Variants in DLG2 observed in about 807,000 individuals in gnomAD.
The protein encoded by DLG2 is discs large MAGUK scaffold protein 2.
In DLG2, 45 loss-of-function variants were observed where a neutral mutation model predicts 132.5. The ratio of observed to expected loss-of-function variants is 0.34; its 90% CI spans 0.27 to 0.44. DLG2 has a LOEUF of 0.44. Ranked by LOEUF, DLG2 falls within the 20% of genes least tolerant of loss-of-function variation. The pLI, the probability that DLG2 is intolerant of heterozygous loss-of-function variation, is 1.00. For missense variants in DLG2, 1,045 were observed against 1,196.9 expected (o/e 0.87, Z 1.87); for synonymous variants, 424 against 419.6 (o/e 1.01, Z -0.13).
At chr11:84,951,769 C>T (rs1439139908) in intron 6 of DLG2, among the ~76,000 whole-genome samples, 4 of 151,492 alleles carry the variant, frequency 2.6e-5, no homozygotes, top group Non-Finnish European at 5.9e-5. Flanking sequence ...TCCAGGGCCA[C>T]ATACAAGATA....
intron 6 of DLG2, among the ~76,000 whole-genome samples, chr11:84,861,944 C>G (rs917011032): frequency 6.7e-6 from 1 of 148,966 alleles, no homozygotes; most frequent in Non-Finnish European, 1.5e-5. Flanking sequence ...GAACAAAAAA[C>G]CAAACACCGC....
chr11:85,357,056 G>GA (rs11435771), intron 3 of DLG2, among the ~76,000 whole-genome samples: 132,874 of 152,026 alleles, frequency 0.87, 58,366 homozygotes, highest in Middle Eastern at 0.92. Context: ...GTCTCTTATA[G>GA]AAATGGCACC....
At chr11:84,905,368 TTC>T (rs2091384781) in intron 6 of DLG2, among the ~76,000 whole-genome samples, 1 of 152,206 alleles carries the variant, frequency 6.6e-6, no homozygotes, top group African/African-American at 2.4e-5. Flanking sequence ...ATCCAATGCT[TTC>T]TCTCTCTGCC....
intron 3 of DLG2, among the ~76,000 whole-genome samples, chr11:85,586,398 T>C (rs1472228847): frequency 6.6e-6 from 1 of 152,218 alleles, no homozygotes; most frequent in Non-Finnish European, 1.5e-5. Context: ...GTTATTGGTC[T>C]GTTCAGAGTT....
intron 6 of DLG2, among the ~76,000 whole-genome samples, chr11:84,672,402 C>T (rs7120512): frequency 2.0e-5 from 3 of 151,854 alleles, no homozygotes; most frequent in Admixed American, 6.6e-5. Context: ...ACAGAGAGAG[C>T]GATCTGGTAG....
intron 7 of DLG2, among the ~76,000 whole-genome samples, chr11:84,482,277 C>T (rs551828176): frequency 6.6e-6 from 1 of 152,094 alleles, no homozygotes; most frequent in Admixed American, 6.5e-5. Context: ...GCCAAGCAAA[C>T]ATTGGTTCTT....
intron 6 of DLG2, among the ~76,000 whole-genome samples, chr11:84,615,712 C>T (rs1252615795): frequency 2.0e-5 from 3 of 149,592 alleles, no homozygotes; most frequent in African/African-American, 7.4e-5. Flanking sequence ...AAAATAGAGG[C>T]TGGTGACCTG....
intron 6 of DLG2, among the ~76,000 whole-genome samples, chr11:84,806,589 T>C (rs897858297): frequency 6.6e-6 from 1 of 152,066 alleles, no homozygotes; most frequent in African/African-American, 2.4e-5. Context: ...TCAGTGAAAA[T>C]ATTCTTCAGG....
intron 18 of DLG2, among the ~76,000 whole-genome samples, chr11:83,743,055 T>A (rs2092648390): frequency 6.6e-6 from 1 of 152,188 alleles, no homozygotes; most frequent in Admixed American, 6.6e-5. Flanking sequence ...GCTGCATTAA[T>A]AATGACTAAA....
chr11:84,814,783 T>TTCATTAC (rs1471395093), intron 6 of DLG2, among the ~76,000 whole-genome samples: 1 of 152,168 alleles, frequency 6.6e-6, no homozygotes, highest in Non-Finnish European at 1.5e-5. Context: ...TGCTTTGCTA[T>TTCATTAC]ACTCTTACAT....
At chr11:85,006,398 T>G (rs192963488) in intron 6 of DLG2, among the ~76,000 whole-genome samples, 26 of 152,358 alleles carry the variant, frequency 1.7e-4, no homozygotes, top group African/African-American at 5.5e-4. Flanking sequence ...ACTGCCTGAA[T>G]TTCAGAACTT....
intron 4 of DLG2, among the ~76,000 whole-genome samples, chr11:85,194,289 A>T (rs956937464): frequency 2.6e-5 from 4 of 152,010 alleles, no homozygotes; most frequent in African/African-American, 7.3e-5. Flanking sequence ...GTCCTTTCCA[A>T]CTCCAAGCCA....
chr11:84,777,260 T>C lies in DLG2; in HGVS notation c.358-242529A>G, dbSNP rs1416854928. Among the ~76,000 whole-genome samples, 10 of 142,798 alleles carry C rather than the reference T, an allele frequency of 7.0e-5. No homozygotes were observed. The East Asian group carries it at 2.1e-3, about 30-fold the overall frequency. The allele number at this position is 142,798 out of a possible 152,430, so 93.7% of individuals were successfully genotyped here. Reference sequence around the variant, plus strand: ...TGCTGTCTAAATAGTATCCATTGTGTGTGTATGTATATGTGTGTGTGTATA... The same window carrying C: ...TGCTGTCTAAATAGTATCCATTGTGCGTGTATGTATATGTGTGTGTGTATA... On this transcript the variant is annotated intron_variant, in intron 6 of 27. Coordinates refer to ENST00000376104, the MANE Select transcript of DLG2 (RefSeq NM_001142699.3).
intron 7 of DLG2, among the ~76,000 whole-genome samples, chr11:84,443,391 C>G (rs2099023421): frequency 6.6e-6 from 1 of 152,172 alleles, no homozygotes; most frequent in South Asian, 2.1e-4. Flanking sequence ...GTAGCTCTCT[C>G]TTTAAGTACA....
Position 85,063,500 on chromosome 11 carries a change from T to C in DLG2, c.357+48161A>G, listed in dbSNP as rs145103754. 6.6e-3 allele frequency among the ~76,000 whole-genome samples: 1,007 copies of C among 151,942 alleles called. 8 individuals are homozygous for C. The highest frequency in any genetic ancestry group is 0.023 in the African/African-American group (949 of 41,502). On this transcript the variant is annotated intron_variant, in intron 6 of 27. Coordinates refer to ENST00000376104, the MANE Select transcript of DLG2 (RefSeq NM_001142699.3). ...TCCTAGAAATTTTATATAGAGTCTG[T>C]ACGTAACAAGGCAATCACAGTGAAA... is the stretch of plus-strand genomic sequence containing the variant.
intron 6 of DLG2, among the ~76,000 whole-genome samples, chr11:84,975,752 C>G (rs774129141): frequency 6.6e-6 from 1 of 152,174 alleles, no homozygotes; most frequent in Non-Finnish European, 1.5e-5. Context: ...TGAAAATATA[C>G]AAAGTTTCTG....
rs536209902 is a variant in DLG2 at position 84,554,644 on chromosome 11, G to T, written c.358-19913C>A. ...GCCTGTAATCTCAGCCACTCGGGAA[G>T]CTGAGGCAGGAGAATCACTTGAACA... On this transcript the variant is annotated intron_variant, in intron 6 of 27. Transcript: ENST00000376104. Among the ~76,000 whole-genome samples, 9 of 152,212 alleles carry T rather than the reference G, an allele frequency of 5.9e-5. No individual in the cohort carries two copies. The South Asian group carries it at 1.9e-3, about 32-fold the overall frequency.
At chr11:85,125,763 G>A (rs193301369) in intron 5 of DLG2, among the ~76,000 whole-genome samples, 26 of 151,636 alleles carry the variant, frequency 1.7e-4, no homozygotes, top group Admixed American at 1.4e-3. Flanking sequence ...AAGACTAAAC[G>A]TGTTTTTATT....
intron 6 of DLG2, among the ~76,000 whole-genome samples, chr11:84,862,235 G>A (rs1186809836): frequency 6.6e-6 from 1 of 151,988 alleles, no homozygotes; most frequent in Non-Finnish European, 1.5e-5. Flanking sequence ...ATTATCACTG[G>A]TCATTAGAGA....
Sources: allele counts gnomAD v4.1 joint callset (sites outside exome capture counted in the v4.1 genomes callset), GRCh38; gene constraint gnomAD v4.1.1; transcripts MANE v1.5; gene names NCBI Gene and HGNC (gene_info 2026-07-23, HGNC 2026-07-21).